ATL2: variants seen among roughly 807,000 people sequenced by gnomAD.
ATL2 encodes atlastin-2.
Under a neutral mutation model 73.9 loss-of-function variants are expected in ATL2, and 31 were observed. The observed-to-expected ratio is 0.42, with a 90% CI of 0.32 to 0.57. ATL2 has a LOEUF of 0.57. ATL2 is among the 20% of genes least tolerant of loss of function. ATL2 has a pLI of 0.14. For synonymous variants in ATL2, 291 were observed against 237.5 expected (o/e 1.23, Z -2.07); for missense variants, 738 against 702.6 (o/e 1.05, Z -0.57).
chr2:38,334,837 T>C (rs1265376855), intron 2 of ATL2, among the ~76,000 whole-genome samples: 1 of 66,310 alleles, frequency 1.5e-5, no homozygotes, highest in Non-Finnish European at 4.0e-5. Flanking sequence ...AACATTATAG[T>C]TATAATTTAT....
intron 9 of ATL2, among the ~76,000 whole-genome samples, chr2:38,305,634 ACTATAC>A (rs1216446678): frequency 6.6e-6 from 1 of 152,192 alleles, no homozygotes; most frequent in Non-Finnish European, 1.5e-5. Flanking sequence ...AATTTTGGAA[ACTATAC>A]AAACACATGG....
intron 1 of ATL2, among the ~76,000 whole-genome samples, chr2:38,358,078 C>T (rs993493180): frequency 6.6e-6 from 1 of 152,118 alleles, no homozygotes; most frequent in Non-Finnish European, 1.5e-5. Context: ...CTTGAAACTG[C>T]ATTATTATCA....
chr2:38,376,850 G>A (rs1429177768), intron 1 of ATL2, among the ~76,000 whole-genome samples: 4 of 150,858 alleles, frequency 2.7e-5, no homozygotes, highest in Non-Finnish European at 5.9e-5. Flanking sequence ...GGACACGGCG[G>A]CAGCCACGCG....
chr2:38,298,684 T>C, intron 11 of ATL2, 109 bp from the exon 12 acceptor site: 1 of 1,189,766 alleles, frequency 8.4e-7, no homozygotes. Context: ...CATGATTGAG[T>C]CAGTTTTAAA....
At chr2:38,297,558 C>A (rs952893945) in intron 12 of ATL2, among the ~76,000 whole-genome samples, 2 of 152,142 alleles carry the variant, frequency 1.3e-5, no homozygotes. Flanking sequence ...TAAAAGATTA[C>A]GACGGAGCAT....
In ATL2 at chr2:38,294,796, T is replaced by G. The variant is rs1174857082; in HGVS notation, c.*1198A>C. The stretch of plus-strand genomic sequence containing the variant: ...TAGAGCTCTCAACTGGGGTGTTTCC[T>G]GCTCATGCTCTTTTCACTATAAACA... On this transcript the variant is annotated 3_prime_UTR_variant, in exon 13 of 13. Coordinates refer to ENST00000378954, the MANE Select transcript of ATL2 (RefSeq NM_001135673.4). The G allele has an allele frequency of 6.6e-6, 1 of 152,190 alleles. No homozygotes were observed. Among genetic ancestry groups the G allele is most frequent in the Non-Finnish European group, 1.5e-5 (1 of 68,048 alleles). The allele number at this position is 152,190 out of a possible 1,614,324, so 9.4% of individuals were successfully genotyped here. A position where few individuals can be genotyped will look rare whatever the true frequency, so the allele number is the denominator to read the frequency against.
intron 2 of ATL2, among the ~76,000 whole-genome samples, chr2:38,327,194 A>C (rs1668710363): frequency 6.6e-6 from 1 of 152,168 alleles, no homozygotes; most frequent in South Asian, 2.1e-4. Flanking sequence ...GATATAGGTC[A>C]GAAACTCAAA....
At chr2:38,325,681 C>T (rs1573486731) in intron 2 of ATL2, among the ~76,000 whole-genome samples, 2 of 77,514 alleles carry the variant, frequency 2.6e-5, no homozygotes, top group African/African-American at 2.3e-4. Context: ...CACACACACA[C>T]ACACACACAC....
chr2:38,315,682 G>A (rs528536596), intron 4 of ATL2, among the ~76,000 whole-genome samples: 36 of 152,116 alleles, frequency 2.4e-4, no homozygotes, highest in Non-Finnish European at 5.1e-4. Flanking sequence ...TTTAAAGAGT[G>A]TAGGTTATTT....
intron 1 of ATL2, 104 bp from the exon 2 acceptor site, chr2:38,343,616 C>T (rs1573534302): frequency 2.1e-6 from 1 of 476,658 alleles, no homozygotes; most frequent in Non-Finnish European, 3.0e-6. Context: ...ATTGCCCCCT[C>T]CCCCCATTAT....
At chr2:38,342,359 T>C (rs1669773125) in intron 2 of ATL2, among the ~76,000 whole-genome samples, 2 of 152,066 alleles carry the variant, frequency 1.3e-5, no homozygotes, top group South Asian at 2.1e-4. Flanking sequence ...CAATAAAACA[T>C]ACAACCTGTA....
At chr2:38,325,627 TAC>T (rs768444431) in intron 2 of ATL2, among the ~76,000 whole-genome samples, 1,855 of 53,306 alleles carry the variant, frequency 0.035, 54 homozygotes, top group Non-Finnish European at 0.06. Flanking sequence ...CACCAGTACA[TAC>T]ACACACACAC....
chr2:38,348,600 G>A (rs1389903216), intron 1 of ATL2, among the ~76,000 whole-genome samples: 1 of 151,404 alleles, frequency 6.6e-6, no homozygotes, highest in South Asian at 2.1e-4. Context: ...TGCTCTTATT[G>A]TAAAGAAAGC....
rs190121030 is a variant in ATL2 at position 38,368,434 on chromosome 2, T to C, written c.118+8709A>G. On this transcript the variant is annotated intron_variant, in intron 1 of 12. Transcript: ENST00000378954. ...CGCCCGGCTAATTTTGTATTTTTAG[T>C]AGAGGCGGGGTTTCTCCATGTTGGT... 1.4e-3 allele frequency among the ~76,000 whole-genome samples: 213 copies of C among 152,136 alleles called. 2 individuals are homozygous for C. Among genetic ancestry groups the C allele is most frequent in the African/African-American group, 4.7e-3 (196 of 41,530 alleles).
intron 2 of ATL2, among the ~76,000 whole-genome samples, chr2:38,325,902 TGTTTAAAAAA>T (rs1403737828): frequency 0.012 from 646 of 52,798 alleles, 2 homozygotes; most frequent in African/African-American, 0.068. Context: ...TTTGTTTGTT[TGTTTAAAAAA>T]AAAAAAAAAA....
Position 38,348,896 on chromosome 2 carries a change from T to C in ATL2, c.119-5384A>G, listed in dbSNP as rs944827898. 2.2e-4 allele frequency among the ~76,000 whole-genome samples: 33 copies of C among 152,170 alleles called. 1 individual carries two copies. The highest frequency in any genetic ancestry group is 2.0e-3 in the Admixed American group (31 of 15,270). ...CAGACACTTCTCAAAAGAAGACATT[T>C]ATGCAGCCAAAACACACATGAAAAA... is the stretch of plus-strand genomic sequence containing the variant. On this transcript the variant is annotated intron_variant, in intron 1 of 12. Coordinates refer to ENST00000378954, the MANE Select transcript of ATL2 (RefSeq NM_001135673.4).
At position 38,346,551 on chromosome 2, in the gene ATL2, G is replaced by C. The variant is rs369623411; in HGVS notation, c.119-3039C>G. 6.2e-4 allele frequency among the ~76,000 whole-genome samples: 94 copies of C among 152,292 alleles called. 1 individual carries two copies. Among genetic ancestry groups the C allele is most frequent in the Middle Eastern group, 3.4e-3 (1 of 294 alleles). The stretch of plus-strand genomic sequence containing the variant: ...CATGAAAGACAAGTTTTCCACAGAA[G>C]GGGGAGCAGTGGTTTCAGGATAAAA... On this transcript the variant is annotated intron_variant, in intron 1 of 12. Transcript: ENST00000378954.
At chr2:38,341,113 C>T (rs1669690179) in intron 2 of ATL2, among the ~76,000 whole-genome samples, 1 of 152,168 alleles carries the variant, frequency 6.6e-6, no homozygotes, top group African/African-American at 2.4e-5. Flanking sequence ...ATCTAAGCTT[C>T]CCTCCCCTTC....
intron 9 of ATL2, among the ~76,000 whole-genome samples, chr2:38,305,918 G>A (rs1196205631): frequency 2.0e-5 from 3 of 151,770 alleles, no homozygotes; most frequent in Non-Finnish European, 4.4e-5. Context: ...AGAAGTTAGC[G>A]AAATTGAAAT....
Sources: allele counts gnomAD v4.1 joint callset (sites outside exome capture counted in the v4.1 genomes callset), GRCh38; gene constraint gnomAD v4.1.1; transcripts MANE v1.5; gene names NCBI Gene and HGNC (gene_info 2026-07-23, HGNC 2026-07-21).